The following FAM135B variants were observed in gnomAD, a reference collection of about 807,000 sequenced individuals.
FAM135B encodes the protein protein FAM135B.
Under a neutral mutation model 127.7 loss-of-function variants are expected in FAM135B, and 43 were observed. The ratio of observed to expected loss-of-function variants is 0.34; its 90% CI spans 0.26 to 0.43. The LOEUF (loss-of-function observed/expected upper bound fraction) is 0.43. Among genes scored for constraint, FAM135B ranks in the 20% least tolerant of loss-of-function variants. The probability of loss-of-function intolerance (pLI) is 1.00; values close to 1 mark genes in which losing one functional copy is unlikely to be tolerated. For missense variants in FAM135B, 1,558 were observed against 1,725.6 expected (o/e 0.90, Z 1.72); for synonymous variants, 670 against 665.1 (o/e 1.01, Z -0.11).
chr8:138,265,883 C>T lies in FAM135B; in HGVS notation c.158-41G>A, dbSNP rs949772131. 20 of 1,586,354 alleles carry T rather than the reference C, an allele frequency of 1.3e-5. 1 individual carries two copies. The Admixed American group carries it at 2.2e-4, about 18-fold the overall frequency. Reference sequence around the variant, plus strand: ...CAGTAGGAACCCATGAACTCCAATACTGTCCTGTACCTGCAGCCCTGTCAG... The same window carrying T: ...CAGTAGGAACCCATGAACTCCAATATTGTCCTGTACCTGCAGCCCTGTCAG... On this transcript the variant is annotated intron_variant, in intron 3 of 19. Coordinates refer to ENST00000395297, the MANE Select transcript of FAM135B (RefSeq NM_015912.4).
chr8:138,345,145 T>C (rs1193992262), intron 2 of FAM135B, among the ~76,000 whole-genome samples: 2 of 152,164 alleles, frequency 1.3e-5, no homozygotes, highest in Non-Finnish European at 2.9e-5. Flanking sequence ...AGGTAACTTT[T>C]CAACAAGCTT....
At chr8:138,207,437 C>T (rs199619087) in intron 7 of FAM135B, among the ~76,000 whole-genome samples, 19 of 151,732 alleles carry the variant, frequency 1.3e-4, no homozygotes, top group Non-Finnish European at 1.6e-4. Context: ...CTTGAACTCC[C>T]GACCTCAAAT....
At chr8:138,230,377 C>T (rs1429290073) in intron 7 of FAM135B, among the ~76,000 whole-genome samples, 1 of 152,054 alleles carries the variant, frequency 6.6e-6, no homozygotes, top group Non-Finnish European at 1.5e-5. Context: ...CAACCTAAGA[C>T]CTGGACATAT....
chr8:138,295,597 C>A (rs1463312959), intron 3 of FAM135B, among the ~76,000 whole-genome samples: 2 of 152,144 alleles, frequency 1.3e-5, no homozygotes, highest in East Asian at 1.9e-4. Context: ...CAGGGAGTAG[C>A]CTGTGAGCAG....
intron 2 of FAM135B, among the ~76,000 whole-genome samples, chr8:138,363,945 C>A (rs1830588712): frequency 6.6e-6 from 1 of 152,112 alleles, no homozygotes. Flanking sequence ...TTGCAATCCC[C>A]AACTCTAATT....
intron 12 of FAM135B, among the ~76,000 whole-genome samples, chr8:138,161,984 C>T (rs1819447514): frequency 6.6e-6 from 1 of 152,080 alleles, no homozygotes; most frequent in Non-Finnish European, 1.5e-5. Context: ...GAACAGAATT[C>T]CAACAAAACA....
intron 1 of FAM135B, among the ~76,000 whole-genome samples, chr8:138,448,294 G>A (rs1836308091): frequency 6.6e-6 from 1 of 152,084 alleles, no homozygotes; most frequent in South Asian, 2.1e-4. Flanking sequence ...CTGGTGGACT[G>A]AGTAAAGCAG....
At chr8:138,310,980 A>C (rs1826643689) in intron 2 of FAM135B, 60 bp from the exon 3 acceptor site, 1 of 1,358,558 alleles carries the variant, frequency 7.4e-7, no homozygotes, top group African/African-American at 1.4e-5. Flanking sequence ...TGACTTCTAA[A>C]AATACCTAGA....
rs889196286 is a variant in FAM135B at position 138,155,983 on chromosome 8, C to T, written c.1259-2767G>A. On this transcript the variant is annotated intron_variant, in intron 12 of 19. Transcript: ENST00000395297. The stretch of plus-strand genomic sequence containing the variant: ...TACAGAACTCTCCACCCCAAATCAA[C>T]AGAATATACATTCTTCTCAGCACTA... Among the ~76,000 whole-genome samples the T allele has an allele frequency of 3.3e-5, 5 of 152,304 alleles. 1 individual carries two copies. In the Middle Eastern group the frequency reaches 0.01, roughly 311 times the overall value.
chr8:138,168,858 G>A (rs900880735), intron 11 of FAM135B, among the ~76,000 whole-genome samples: 8 of 152,078 alleles, frequency 5.3e-5, no homozygotes, highest in South Asian at 2.1e-4. Context: ...GGAGCCTTAC[G>A]GAGTCTATGA....
chr8:138,138,817 G>A (rs1443644385), intron 18 of FAM135B, among the ~76,000 whole-genome samples, 169 bp downstream of exon 18: 2 of 152,234 alleles, frequency 1.3e-5, no homozygotes, highest in East Asian at 3.9e-4. Flanking sequence ...GAGGAGCTGA[G>A]TTCCTGGTAG....
chr8:138,184,922 G>A (rs968311026), intron 9 of FAM135B, among the ~76,000 whole-genome samples: 1 of 152,210 alleles, frequency 6.6e-6, no homozygotes, highest in African/African-American at 2.4e-5. Flanking sequence ...GGTAATTCAT[G>A]TGCACATTAA....
intron 7 of FAM135B, among the ~76,000 whole-genome samples, chr8:138,222,051 A>G (rs114208082): frequency 5.3e-4 from 81 of 152,320 alleles, no homozygotes; most frequent in African/African-American, 1.9e-3. Flanking sequence ...GTGCAAAGAG[A>G]AAGAAGATGA....
chr8:138,458,055 G>A (rs1335370526), intron 1 of FAM135B, among the ~76,000 whole-genome samples: 3 of 152,022 alleles, frequency 2.0e-5, no homozygotes, highest in Non-Finnish European at 2.9e-5. Context: ...GAGAGGTTGA[G>A]ACACGAGAAT....
At position 138,136,198 on chromosome 8, in the gene FAM135B, C is replaced by A. The variant is rs1816648506; in HGVS notation, c.4015+949G>T. ...AAATTCCTGTTGGATTTTCTAGATA[C>A]CAGGGAAAATTTGGAATAGACCCAA... is the stretch of plus-strand genomic sequence containing the variant. On this transcript the variant is annotated intron_variant, in intron 19 of 19. Transcript: ENST00000395297. Among the ~76,000 whole-genome samples, 3 of 151,404 alleles carry A rather than the reference C, an allele frequency of 2.0e-5. No individual in the cohort carries two copies. In the South Asian group the frequency reaches 6.3e-4, roughly 32 times the overall value.
At chr8:138,369,052 G>A (rs1356060281) in intron 1 of FAM135B, among the ~76,000 whole-genome samples, 1 of 152,190 alleles carries the variant, frequency 6.6e-6, no homozygotes. Flanking sequence ...GAATGTGCTG[G>A]TGGTGTGGCC....
chr8:138,255,896 G>T (rs1417623191), intron 5 of FAM135B, among the ~76,000 whole-genome samples: 2 of 152,110 alleles, frequency 1.3e-5, no homozygotes, highest in African/African-American at 2.4e-5. Flanking sequence ...ACCCTGCAAA[G>T]CCTGCAAACT....
Position 138,153,148 on chromosome 8 carries a change from C to T in FAM135B, c.1327G>A (p.Asp443Asn), listed in dbSNP as rs1230147156. The T allele has an allele frequency of 6.2e-7, 1 of 1,610,740 alleles. No homozygotes were observed. The highest frequency in any genetic ancestry group is 8.5e-7 in the Non-Finnish European group (1 of 1,177,462). The change falls in exon 13 of 20, where the codon GAC becomes AAC. Residue 443 changes from aspartate to asparagine, a missense_variant. Physicochemically the swap from Asp to Asn is conservative, Grantham distance 23 (BLOSUM62 1). This residue lies in a region of FAM135B where 923 missense variants were observed against 865.3 expected (regional missense o/e 1.07). Coordinates refer to ENST00000395297, the MANE Select transcript of FAM135B (RefSeq NM_015912.4). The stretch of plus-strand genomic sequence containing the variant: ...TTTACCATACAGTTATCTTCCTTGT[C>T]TTTCAGATTCATTATTGTAGGACTT... ...VTSPTIMNLK[D>N]KEDNCMVNSN...
At chr8:138,327,796 G>C (rs751626899) in intron 2 of FAM135B, among the ~76,000 whole-genome samples, 4 of 152,096 alleles carry the variant, frequency 2.6e-5, no homozygotes, top group Non-Finnish European at 5.9e-5. Flanking sequence ...CTTCCAAGGG[G>C]GTAAGAAAAA....
Sources: gnomAD v4.1 joint callset for allele counts (sites outside exome capture counted in the v4.1 genomes callset) on GRCh38, gnomAD v4.1.1 for gene constraint, gnomAD v4.1.1 regional missense constraint, MANE v1.5 for transcripts, NCBI Gene and HGNC (gene_info 2026-07-23, HGNC 2026-07-21) for gene names.